MAML3: variants seen among roughly 807,000 people sequenced by gnomAD.
The protein encoded by MAML3 is mastermind like transcriptional coactivator 3.
A neutral mutation model predicts 101.9 loss-of-function variants in MAML3; 27 were observed. That is an observed-to-expected ratio of 0.27 (90% CI 0.20 to 0.37). The LOEUF is 0.37. Among genes scored for constraint, MAML3 ranks in the 10% least tolerant of loss-of-function variants. MAML3 has a pLI of 1.00. For missense variants in MAML3, 1,316 were observed against 1,444.9 expected (o/e 0.91, Z 1.45); for synonymous variants, 501 against 555.9 (o/e 0.90, Z 1.39).
At chr4:139,924,500 CTTGAA>C (rs1403133687) in intron 1 of MAML3, among the ~76,000 whole-genome samples, 1 of 152,136 alleles carries the variant, frequency 6.6e-6, no homozygotes, top group African/African-American at 2.4e-5. Context: ...ATTCTGTTAT[CTTGAA>C]TTATGTTATC....
At chr4:140,010,381 T>C (rs2110858107) in intron 1 of MAML3, among the ~76,000 whole-genome samples, 1 of 152,322 alleles carries the variant, frequency 6.6e-6, no homozygotes, top group South Asian at 2.1e-4. Flanking sequence ...TTGTGCCGTA[T>C]GGTGTTTTTT....
At chr4:139,925,239 GT>G (rs1018818830) in intron 1 of MAML3, among the ~76,000 whole-genome samples, 1 of 152,000 alleles carries the variant, frequency 6.6e-6, no homozygotes, top group African/African-American at 2.4e-5. Context: ...TTGTTTGTTT[GT>G]TTGTTTTGAG....
intron 1 of MAML3, among the ~76,000 whole-genome samples, chr4:140,063,235 G>A (rs917167703): frequency 6.6e-6 from 1 of 152,218 alleles, no homozygotes; most frequent in Non-Finnish European, 1.5e-5. Flanking sequence ...ATGCAGGAAA[G>A]AGACAGCCAG....
intron 1 of MAML3, among the ~76,000 whole-genome samples, chr4:140,146,846 A>T (rs1044761656): frequency 6.6e-6 from 1 of 152,076 alleles, no homozygotes; most frequent in Non-Finnish European, 1.5e-5. Flanking sequence ...ACTGATTTTT[A>T]AAAATCTGGC....
At chr4:139,990,714 A>C (rs1230325461) in intron 1 of MAML3, among the ~76,000 whole-genome samples, 147 of 152,234 alleles carry the variant, frequency 9.7e-4, no homozygotes, top group African/African-American at 3.2e-3. Flanking sequence ...CTCAGGATAC[A>C]AAATCAATGT....
intron 1 of MAML3, among the ~76,000 whole-genome samples, chr4:139,937,392 G>GTTTT (rs949562371): frequency 7.0e-6 from 1 of 143,616 alleles, no homozygotes; most frequent in Non-Finnish European, 1.5e-5. Flanking sequence ...TAGCAAAGGA[G>GTTTT]TTTTTTTTTT....
At chr4:139,963,022 T>C (rs998605223) in intron 1 of MAML3, among the ~76,000 whole-genome samples, 18 of 152,314 alleles carry the variant, frequency 1.2e-4, no homozygotes, top group Non-Finnish European at 2.6e-4. Flanking sequence ...TTTTTCCGTG[T>C]TTTAAACCCA....
intron 1 of MAML3, among the ~76,000 whole-genome samples, chr4:140,062,642 G>A (rs1446193240): frequency 6.6e-6 from 1 of 152,170 alleles, no homozygotes; most frequent in African/African-American, 2.4e-5. Flanking sequence ...CTAATTTGCT[G>A]TATCTAATCT....
At chr4:139,795,599 G>C (rs968818362) in intron 2 of MAML3, among the ~76,000 whole-genome samples, 5 of 152,280 alleles carry the variant, frequency 3.3e-5, no homozygotes, top group African/African-American at 1.2e-4. Context: ...ACAATTTCTG[G>C]TAAGTAACGG....
chr4:140,127,783 C>T (rs1728707547), intron 1 of MAML3, among the ~76,000 whole-genome samples: 1 of 152,184 alleles, frequency 6.6e-6, no homozygotes, highest in Non-Finnish European at 1.5e-5. Flanking sequence ...CCCTGCTTTA[C>T]AGGTGGGGAA....
At position 139,992,067 on chromosome 4, in the gene MAML3, C is replaced by T. The variant is rs78132444; in HGVS notation, c.469-101100G>A. ...AGATCAACTTTGTGTCTCCACAAAT[C>T]GGCCTTTTCTAGACATTTCACACAA... is the stretch of plus-strand genomic sequence containing the variant. On this transcript the variant is annotated intron_variant, in intron 1 of 4. Transcript: ENST00000509479. Among the ~76,000 whole-genome samples the T allele has an allele frequency of 6.6e-3, 1,000 of 152,258 alleles. 13 individuals carry two copies. Among genetic ancestry groups the T allele is most frequent in the African/African-American group, 0.023 (953 of 41,548 alleles).
chr4:140,133,092 A>C (rs766214139), intron 1 of MAML3: 1 of 448,636 alleles, frequency 2.2e-6, no homozygotes, highest in Middle Eastern at 3.3e-4. Context: ...AGGAGCCACT[A>C]TGTGCTGTTA....
chr4:139,901,558 T>C (rs1405415180), intron 1 of MAML3, among the ~76,000 whole-genome samples: 1 of 152,224 alleles, frequency 6.6e-6, no homozygotes, highest in Non-Finnish European at 1.5e-5. Context: ...CCTAATGGGA[T>C]TTTATTTAGA....
chr4:139,787,602 T>A (rs1303983527), intron 2 of MAML3, among the ~76,000 whole-genome samples: 1 of 152,360 alleles, frequency 6.6e-6, no homozygotes, highest in Middle Eastern at 3.4e-3. Flanking sequence ...TAATGTTTTA[T>A]ATGTTATCTT....
chr4:139,967,254 G>A (rs990137835), intron 1 of MAML3, among the ~76,000 whole-genome samples: 3 of 151,940 alleles, frequency 2.0e-5, no homozygotes, highest in Non-Finnish European at 2.9e-5. Context: ...AAAGGCAGTC[G>A]CCCCCTCAAA....
At chr4:139,888,517 A>G in intron 2 of MAML3, 1 of 518,894 alleles carries the variant, frequency 1.9e-6, no homozygotes, top group Non-Finnish European at 3.8e-6. Flanking sequence ...GTTATATTAA[A>G]GGAGCTTTGG....
chr4:140,141,488 G>A (rs1490015815), intron 1 of MAML3, among the ~76,000 whole-genome samples: 4 of 152,170 alleles, frequency 2.6e-5, no homozygotes, highest in Non-Finnish European at 5.9e-5. Flanking sequence ...CCTAGGTTCT[G>A]TATCACCCAC....
chr4:140,109,869 C>G (rs1429858926), intron 1 of MAML3, among the ~76,000 whole-genome samples: 2 of 152,222 alleles, frequency 1.3e-5, no homozygotes, highest in East Asian at 3.8e-4. Context: ...CGTTTCAATA[C>G]AGCTTATCTG....
chr4:139,947,529 T>C (rs1035940301), intron 1 of MAML3, among the ~76,000 whole-genome samples: 6 of 152,176 alleles, frequency 3.9e-5, no homozygotes, highest in Admixed American at 2.6e-4. Context: ...TCCTATTTAT[T>C]AAAAGAACTG....
Sources: gnomAD v4.1 joint callset for allele counts (sites outside exome capture counted in the v4.1 genomes callset) on GRCh38, gnomAD v4.1.1 for gene constraint, MANE v1.5 for transcripts, NCBI Gene and HGNC (gene_info 2026-07-23, HGNC 2026-07-21) for gene names.